Variants in TNFAIP8 observed in about 807,000 individuals in gnomAD.
TNFAIP8 encodes tumor necrosis factor alpha-induced protein 8.
A neutral mutation model predicts 13.3 loss-of-function variants in TNFAIP8; 7 were observed. The ratio of observed to expected loss-of-function variants is 0.52; its 90% CI spans 0.30 to 0.99. The LOEUF is 0.99. Ranked by LOEUF, TNFAIP8 falls within the 50% of genes least tolerant of loss-of-function variation. The pLI, the probability that TNFAIP8 is intolerant of heterozygous loss-of-function variation, is 0.07. For missense variants in TNFAIP8, 258 were observed against 236.9 expected (o/e 1.09, Z -0.58); for synonymous variants, 94 against 87.6 (o/e 1.07, Z -0.41).
rs755004248 is a variant in TNFAIP8, at chr5:119,392,925, T to C, written c.141T>C (p.Ser47=). Residue 47 remains serine, a synonymous_variant, in exon 2 of 2, where the codon AGT becomes AGC. Transcript: ENST00000504771. ...SIATTLIDDT[S]SEVLDELYRV... ...CCACCACCTTAATAGACGACACAAG[T>C]AGTGAGGTGCTGGATGAGCTCTACA... 2.5e-6 allele frequency: 4 copies of C among 1,606,058 alleles called. No individual in the cohort carries two copies. The highest frequency in any genetic ancestry group is 2.2e-5 in the South Asian group (2 of 89,592).
At chr5:119,348,768 T>C (rs540542628) in intron 1 of TNFAIP8, among the ~76,000 whole-genome samples, 34 of 151,108 alleles carry the variant, frequency 2.3e-4, no homozygotes, top group African/African-American at 7.8e-4. Context: ...TAATCTCAGC[T>C]ACTCGGGAGA....
At chr5:119,310,225 G>C (rs6879919) in intron 1 of TNFAIP8, among the ~76,000 whole-genome samples, 138,951 of 152,240 alleles carry the variant, frequency 0.91, 63,516 homozygotes, top group East Asian at 0.99. Context: ...TTCGCTCCCT[G>C]GACTCCCTCC....
chr5:119,396,423 T>C lies in TNFAIP8; in HGVS notation c.*3042T>C, dbSNP rs1753074393. 6.6e-6 allele frequency: 1 copy of C among 152,200 alleles called. No homozygotes were observed. Among genetic ancestry groups the C allele is most frequent in the South Asian group, 2.1e-4 (1 of 4,826 alleles). The allele number at this position is 152,200 out of a possible 1,614,324, so 9.4% of individuals were successfully genotyped here. ...CACTTCTAGGTGCTCACAATGACTT[T>C]TAACGTTGACTTCTGAGGTGCAGTG... On this transcript the variant is annotated 3_prime_UTR_variant, in exon 2 of 2. Transcript: ENST00000504771.
chr5:119,314,355 G>C (rs1203784674), intron 1 of TNFAIP8, among the ~76,000 whole-genome samples: 1 of 152,236 alleles, frequency 6.6e-6, no homozygotes, highest in Non-Finnish European at 1.5e-5. Context: ...CAAACTAGTG[G>C]TAAGACCAGG....
At chr5:119,318,507 G>A (rs1358515343) in intron 1 of TNFAIP8, among the ~76,000 whole-genome samples, 1 of 151,990 alleles carries the variant, frequency 6.6e-6, no homozygotes, top group East Asian at 1.9e-4. Context: ...TGTTGCCCAG[G>A]CTGGTCTTGA....
intron 1 of TNFAIP8, among the ~76,000 whole-genome samples, chr5:119,282,765 C>T (rs1485778269): frequency 6.6e-6 from 1 of 152,216 alleles, no homozygotes; most frequent in Non-Finnish European, 1.5e-5. Context: ...AGGGATTCCA[C>T]CTGCCCAGAC....
At chr5:119,311,949 CT>C (rs1176270122) in intron 1 of TNFAIP8, among the ~76,000 whole-genome samples, 8 of 152,058 alleles carry the variant, frequency 5.3e-5, no homozygotes, top group Non-Finnish European at 1.2e-4. Context: ...CTAAGGTTAA[CT>C]TTGTTGCAGT....
chr5:119,287,828 TTA>T (rs886500862), intron 1 of TNFAIP8, among the ~76,000 whole-genome samples: 1 of 152,228 alleles, frequency 6.6e-6, no homozygotes, highest in African/African-American at 2.4e-5. Flanking sequence ...TCCACTCTGT[TTA>T]GCAGGCTAGA....
chr5:119,319,677 A>C (rs1188440470), intron 1 of TNFAIP8, among the ~76,000 whole-genome samples: 1 of 152,160 alleles, frequency 6.6e-6, no homozygotes, highest in Non-Finnish European at 1.5e-5. Context: ...CAGGATTATT[A>C]TGGGTTATTT....
At chr5:119,330,423 C>T (rs62375113) in intron 1 of TNFAIP8, among the ~76,000 whole-genome samples, 31,216 of 152,104 alleles carry the variant, frequency 0.21, 3,973 homozygotes, top group Non-Finnish European at 0.28. Context: ...ATGTGGGTAG[C>T]TATAAAGGAA....
chr5:119,290,098 G>A (rs1748934378), intron 1 of TNFAIP8, among the ~76,000 whole-genome samples: 1 of 151,474 alleles, frequency 6.6e-6, no homozygotes, highest in East Asian at 1.9e-4. Flanking sequence ...TATTAATCTA[G>A]TTGTAAGAAA....
intron 1 of TNFAIP8, among the ~76,000 whole-genome samples, chr5:119,390,987 T>C (rs1293683737): frequency 1.3e-5 from 2 of 148,240 alleles, no homozygotes; most frequent in Admixed American, 6.7e-5. Flanking sequence ...CCTGGCTAAT[T>C]TTTTTTTTTT....
At chr5:119,339,108 C>T (rs755845045) in intron 1 of TNFAIP8, among the ~76,000 whole-genome samples, 2 of 152,070 alleles carry the variant, frequency 1.3e-5, no homozygotes, top group Non-Finnish European at 2.9e-5. Context: ...CCTGAATTGG[C>T]GTCTCTGATG....
intron 1 of TNFAIP8, among the ~76,000 whole-genome samples, chr5:119,321,387 T>G (rs1453078878): frequency 7.2e-6 from 1 of 138,556 alleles, no homozygotes; most frequent in Non-Finnish European, 1.5e-5. Context: ...TGATTTCTAG[T>G]CCTGGAGGAT....
chr5:119,288,999 C>T (rs932236237), intron 1 of TNFAIP8, among the ~76,000 whole-genome samples: 1 of 152,240 alleles, frequency 6.6e-6, no homozygotes, highest in Non-Finnish European at 1.5e-5. Flanking sequence ...TGAGAACCAA[C>T]TGCTTCCTAG....
intron 1 of TNFAIP8, among the ~76,000 whole-genome samples, chr5:119,312,350 C>T (rs1291203591): frequency 6.6e-6 from 1 of 152,170 alleles, no homozygotes; most frequent in East Asian, 1.9e-4. Context: ...GACCTCATAT[C>T]ACGAGGATGA....
intron 1 of TNFAIP8, among the ~76,000 whole-genome samples, chr5:119,372,970 A>G (rs1382051329): frequency 6.6e-6 from 1 of 152,204 alleles, no homozygotes; most frequent in African/African-American, 2.4e-5. Flanking sequence ...CAAAAATAAA[A>G]TAAATAAATA....
At chr5:119,285,034 A>C (rs1349337618) in intron 1 of TNFAIP8, among the ~76,000 whole-genome samples, 1 of 152,126 alleles carries the variant, frequency 6.6e-6, no homozygotes, top group African/African-American at 2.4e-5. Flanking sequence ...AATTTAAAGC[A>C]TCATTTATAC....
chr5:119,377,911 A>G (rs1035170992), intron 1 of TNFAIP8, among the ~76,000 whole-genome samples: 1 of 152,326 alleles, frequency 6.6e-6, no homozygotes, highest in African/African-American at 2.4e-5. Flanking sequence ...ATGCCTACAG[A>G]ACCCAGGAAA....
Sources: allele counts gnomAD v4.1 joint callset (sites outside exome capture counted in the v4.1 genomes callset), GRCh38; gene constraint gnomAD v4.1.1; transcripts MANE v1.5; gene names NCBI Gene and HGNC (gene_info 2026-07-23, HGNC 2026-07-21).